PIGG: variants seen among roughly 807,000 people sequenced by gnomAD.
PIGG encodes phosphatidylinositol glycan anchor biosynthesis class G (EMM blood group), also known as GPI ethanolamine phosphate transferase 2, catalytic subunit.
A neutral mutation model predicts 83.2 loss-of-function variants in PIGG; 70 were observed. That is an observed-to-expected ratio of 0.84 (90% CI 0.69 to 1.03). The LOEUF (loss-of-function observed/expected upper bound fraction) is 1.03, where lower values mean the gene tolerates loss of function less well. PIGG is among the 50% of genes least tolerant of loss of function. PIGG has a pLI of 0.00. For synonymous variants in PIGG, 532 were observed against 519.5 expected (o/e 1.02, Z -0.33); for missense variants, 1,257 against 1,233.6 (o/e 1.02, Z -0.28).
chr4:526,884 C>A (rs1350680694), intron 9 of PIGG, 155 bp from the exon 10 acceptor site: 2 of 875,532 alleles, frequency 2.3e-6, no homozygotes, highest in Admixed American at 2.4e-5. Context: ...ACTTTAAGAA[C>A]CTTTGTTTGA....
At position 499,264 on chromosome 4, in the gene PIGG, G is replaced by A. The variant is rs1716591467; in HGVS notation, c.-72G>A. ...TATTGCTTAGAGGCGGCTACCTGGA[G>A]CCGGAAGCGCGGCTGCAGCAGGGCG... On this transcript the variant is annotated 5_prime_UTR_variant, in exon 1 of 13. Transcript: ENST00000453061. 2.6e-6 allele frequency: 4 copies of A among 1,536,734 alleles called. No individual in the cohort carries two copies. The highest frequency in any genetic ancestry group is 2.6e-6 in the Non-Finnish European group (3 of 1,137,448).
intron 5 of PIGG, among the ~76,000 whole-genome samples, chr4:512,694 A>G (rs1482888425): frequency 2.0e-5 from 3 of 151,752 alleles, no homozygotes; most frequent in Non-Finnish European, 4.4e-5. Flanking sequence ...GGGCGCCTGT[A>G]ATCCCAGCTA....
chr4:525,318 G>A (rs1727274576), intron 9 of PIGG: 2 of 985,246 alleles, frequency 2.0e-6, no homozygotes, highest in South Asian at 4.7e-5. Context: ...GATTTGCCGA[G>A]ACTTAAATTT....
chr4:523,948 T>C (rs1726836917), intron 9 of PIGG, 35 bp downstream of exon 9: 1 of 1,360,342 alleles, frequency 7.4e-7, no homozygotes, highest in Non-Finnish European at 9.8e-7. Flanking sequence ...AGGCCAGACT[T>C]TCTACGGCCG....
chr4:521,971 CGTA>C (rs769827889), intron 8 of PIGG, 30 bp downstream of exon 8: 9 of 1,609,006 alleles, frequency 5.6e-6, no homozygotes, highest in Admixed American at 5.0e-5. Context: ...GGGAGTGTGA[CGTA>C]GTCCTTCTGC....
intron 12 of PIGG, chr4:537,476 T>G (rs11936515): frequency 0.19 from 29,662 of 152,212 alleles, 3,604 homozygotes; most frequent in African/African-American, 0.35. Flanking sequence ...TAGCCACGAA[T>G]CTTCCTGCCC....
At chr4:508,700 A>C in intron 4 of PIGG, 129 bp from the exon 5 acceptor site, 1 of 805,440 alleles carries the variant, frequency 1.2e-6, no homozygotes, top group Non-Finnish European at 2.0e-6. Context: ...TCATAGGAAA[A>C]AAAAATCTAA....
chr4:502,736 T>C (rs1718201903), intron 2 of PIGG, among the ~76,000 whole-genome samples: 1 of 151,966 alleles, frequency 6.6e-6, no homozygotes, highest in Non-Finnish European at 1.5e-5. Flanking sequence ...CTACCCTCTT[T>C]AAAAATATCG....
intron 10 of PIGG, among the ~76,000 whole-genome samples, chr4:529,273 C>T (rs555798092): frequency 1.1e-3 from 160 of 152,278 alleles, no homozygotes; most frequent in African/African-American, 3.7e-3. Context: ...CTGATTTCTC[C>T]CTTCTTTGAA....
chr4:499,531 A>G (rs1177223588), intron 1 of PIGG, 42 bp downstream of exon 1: 1 of 1,548,564 alleles, frequency 6.5e-7, no homozygotes, highest in African/African-American at 1.4e-5. Context: ...CTGACCCCAC[A>G]TCCCCTAGAA....
At position 533,973 on chromosome 4, in the gene PIGG, A is replaced by G. The variant is rs1450517361; in HGVS notation, c.2727A>G (p.Glu909=). Residue 909 remains glutamate (E), a synonymous_variant, in exon 12 of 13, where the codon GAA becomes GAG. Coordinates refer to ENST00000453061, the MANE Select transcript of PIGG (RefSeq NM_001127178.3). ...ASHLVHFLSS[E]TRSGSALSHA... is the part of the protein sequence containing the mutation. The stretch of plus-strand genomic sequence containing the variant: ...ACTTAGTGCACTTCCTGAGCTCAGA[A>G]ACACGCAGGTGAGGCGCCTCTCTGC... The G allele has an allele frequency of 5.0e-6, 8 of 1,613,962 alleles. No homozygotes were observed. Among genetic ancestry groups the G allele is most frequent in the Non-Finnish European group, 6.8e-6 (8 of 1,179,938 alleles).
intron 12 of PIGG, among the ~76,000 whole-genome samples, chr4:534,981 C>T (rs1050288826): frequency 1.3e-5 from 2 of 152,256 alleles, no homozygotes; most frequent in Admixed American, 6.5e-5. Flanking sequence ...TCCACACGCC[C>T]GTCTTCTCTG....
At chr4:531,044 C>A in intron 11 of PIGG, 1 of 372,034 alleles carries the variant, frequency 2.7e-6, no homozygotes, top group African/African-American at 2.1e-5. Flanking sequence ...ACTTGCTTCA[C>A]TGATGAATGT....
chr4:514,220 G>A (rs73072139), intron 5 of PIGG, among the ~76,000 whole-genome samples: 253 of 152,276 alleles, frequency 1.7e-3, no homozygotes, highest in African/African-American at 5.9e-3. Context: ...TTATTTGGAA[G>A]CAGACCTCTA....
intron 12 of PIGG, among the ~76,000 whole-genome samples, chr4:534,204 G>A (rs1172034832): frequency 6.6e-6 from 1 of 152,058 alleles, no homozygotes; most frequent in African/African-American, 2.4e-5. Context: ...GCCTCGCCGG[G>A]CTCCCCAGGG....
intron 12 of PIGG, among the ~76,000 whole-genome samples, chr4:535,015 C>G (rs780718956): frequency 4.6e-5 from 7 of 152,266 alleles, no homozygotes; most frequent in Non-Finnish European, 8.8e-5. Context: ...GCCGCACACT[C>G]TCTGCTTCCT....
At chr4:518,814 T>A (rs1162612924) in intron 6 of PIGG, among the ~76,000 whole-genome samples, 1 of 151,860 alleles carries the variant, frequency 6.6e-6, no homozygotes, top group Non-Finnish European at 1.5e-5. Context: ...GGATCCTTTT[T>A]CCTAAAACAA....
chr4:525,242 G>C (rs1238047179), intron 9 of PIGG: 1 of 985,250 alleles, frequency 1.0e-6, no homozygotes, highest in Non-Finnish European at 1.2e-6. Context: ...CACCTAGAAA[G>C]TATAGCAAAT....
chr4:528,907 C>T lies in PIGG; in HGVS notation c.2262-1529C>T, dbSNP rs75209520. Among the ~76,000 whole-genome samples the T allele has an allele frequency of 7.6e-3, 1,164 of 152,228 alleles. 17 individuals carry two copies. Among genetic ancestry groups the T allele is most frequent in the African/African-American group, 0.024 (988 of 41,530 alleles). On this transcript the variant is annotated intron_variant, in intron 10 of 12. Coordinates refer to ENST00000453061, the MANE Select transcript of PIGG (RefSeq NM_001127178.3). The surrounding 1 kb of genome is among the most constrained non-coding windows in gnomAD (Gnocchi z 4.8). ...CTCCGTCCTTTGTCCCCATCTGTCC[C>T]GATCGTAAATAGGTCCTGGCTACAG...
Sources: gnomAD v4.1 joint callset for allele counts (sites outside exome capture counted in the v4.1 genomes callset) on GRCh38, gnomAD v4.1.1 for gene constraint, Gnocchi (gnomAD v3.1) non-coding constraint, MANE v1.5 for transcripts, NCBI Gene and HGNC (gene_info 2026-07-23, HGNC 2026-07-21) for gene names.